Variants in GRM5 observed in about 807,000 individuals in gnomAD.
GRM5 encodes glutamate metabotropic receptor 5, also known as metabotropic glutamate receptor 5.
GRM5 carries 19 observed loss-of-function variants against 83.1 expected under a neutral mutation model. The ratio of observed to expected loss-of-function variants is 0.23; its 90% CI spans 0.16 to 0.34. The LOEUF is 0.34. GRM5 is among the 10% of genes least tolerant of loss of function. The probability of loss-of-function intolerance (pLI) is 1.00; values close to 1 mark genes in which losing one functional copy is unlikely to be tolerated. For missense variants in GRM5, 1,160 were observed against 1,588.3 expected, an observed-to-expected ratio of 0.73 and a Z score of 4.58; for synonymous variants, 675 against 633.6, an observed-to-expected ratio of 1.07 and a Z score of -0.98.
rs1565196115 is a variant in GRM5 at position 88,710,027 on chromosome 11, C to T, written c.912-56624G>A. On this transcript the variant is annotated intron_variant, in intron 3 of 9. Coordinates refer to ENST00000305447, the MANE Select transcript of GRM5 (RefSeq NM_001143831.3). ...GGAAAATGCTGGGTATTCGCATTCA[C>T]AACTTCAATTGTTTCAAATTAAACT... is the stretch of plus-strand genomic sequence containing the variant. Among the ~76,000 whole-genome samples, 2 of 152,094 alleles carry T rather than the reference C, an allele frequency of 1.3e-5. 1 individual carries two copies. Among genetic ancestry groups the T allele is most frequent in the African/African-American group, 4.8e-5 (2 of 41,450 alleles).
chr11:89,044,177 C>G (rs1941593028), intron 2 of GRM5, among the ~76,000 whole-genome samples: 1 of 152,164 alleles, frequency 6.6e-6, no homozygotes, highest in African/African-American at 2.4e-5. Flanking sequence ...AGTTCTTACT[C>G]CATTAAAAGA....
intron 2 of GRM5, among the ~76,000 whole-genome samples, chr11:88,871,847 C>T (rs914966154): frequency 2.0e-5 from 3 of 151,050 alleles, no homozygotes; most frequent in Non-Finnish European, 3.0e-5. Flanking sequence ...TCTTAAATAT[C>T]TTGTAATCCC....
At chr11:89,054,692 A>C (rs1166614726) in intron 1 of GRM5, among the ~76,000 whole-genome samples, 1 of 151,512 alleles carries the variant, frequency 6.6e-6, no homozygotes, top group Non-Finnish European at 1.5e-5. Context: ...CGATTTTTTG[A>C]ATAGAAACTT....
At chr11:88,810,494 G>A (rs1432242034) in intron 3 of GRM5, among the ~76,000 whole-genome samples, 1 of 152,034 alleles carries the variant, frequency 6.6e-6, no homozygotes, top group South Asian at 2.1e-4. Context: ...GCAAGGTATG[G>A]TGGGGCCCAG....
chr11:88,567,303 C>T lies in GRM5; in HGVS notation c.2380G>A (p.Gly794Ser). 6.2e-7 allele frequency: 1 copy of T among 1,613,926 alleles called. No homozygotes were observed. The highest frequency in any genetic ancestry group is 8.5e-7 in the Non-Finnish European group (1 of 1,179,864). ...IWLAFVPIYF[G>S]SNYKIITMCF... ...ATGGTGATGATTTTGTAGTTGCTGC[C>T]AAAGTAGATTGGCACAAAAGCTAGC... Residue 794 changes from glycine to serine, a missense_variant, in exon 8 of 10, where the codon GGC (glycine) becomes AGC (serine). Gly to Ser is a moderately conservative substitution (Grantham distance 56). This residue lies in a region of GRM5 where 66 missense variants were observed against 138.6 expected (regional missense o/e 0.48). Coordinates refer to ENST00000305447, the MANE Select transcript of GRM5 (RefSeq NM_001143831.3). This position sits in a 1 kb window ranked among gnomAD's most constrained non-coding sequence, Gnocchi z 7.3.
chr11:88,590,824 T>C (rs1313186644), intron 6 of GRM5, 97 bp from the exon 7 acceptor site: 1 of 725,182 alleles, frequency 1.4e-6, no homozygotes, highest in Non-Finnish European at 2.3e-6. Context: ...AGAAAGGCCT[T>C]TCACATACAT....
intron 3 of GRM5, among the ~76,000 whole-genome samples, chr11:88,752,197 G>C (rs1313982707): frequency 6.6e-6 from 1 of 152,130 alleles, no homozygotes; most frequent in Non-Finnish European, 1.5e-5. Flanking sequence ...CCTATATATA[G>C]ACAACCCCAT....
chr11:88,516,586 T>C (rs1941526224), intron 9 of GRM5, among the ~76,000 whole-genome samples: 1 of 152,208 alleles, frequency 6.6e-6, no homozygotes, highest in Non-Finnish European at 1.5e-5. Context: ...GCACCTCAGC[T>C]GAAGCTTGTG....
intron 3 of GRM5, among the ~76,000 whole-genome samples, chr11:88,670,923 T>C (rs1173423724): frequency 6.6e-6 from 1 of 151,964 alleles, no homozygotes; most frequent in East Asian, 1.9e-4. Context: ...AAGCATACAA[T>C]ATAACCCAGC....
At position 88,508,804 on chromosome 11, in the gene GRM5, T is replaced by A; in HGVS notation, c.3427A>T (p.Ser1143Cys). The A allele has an allele frequency of 6.7e-7, 1 of 1,483,356 alleles. No homozygotes were observed. The allele number at this position is 1,483,356 out of a possible 1,614,324, so 91.9% of individuals were successfully genotyped here. ...GCAGCCTCGGGACCGGCCGCGGGGC[T>A]CTCCCGGGCCGCGTCCCCAGCCGCC... ...AQAAGDAARE[S>C]PAAGPEAAAA... The change falls in exon 10 of 10, where the codon AGC (serine) becomes TGC (cysteine). Residue 1143 changes from serine to cysteine, a missense_variant. Coordinates refer to ENST00000305447, the MANE Select transcript of GRM5 (RefSeq NM_001143831.3). The surrounding 1 kb of genome is among the most constrained non-coding windows in gnomAD (Gnocchi z 4.2).
At chr11:88,892,174 T>C (rs986613912) in intron 2 of GRM5, among the ~76,000 whole-genome samples, 1 of 113,464 alleles carries the variant, frequency 8.8e-6, no homozygotes, top group African/African-American at 3.4e-5. Context: ...TTTTTTTTTT[T>C]CAATAAGACA....
chr11:88,645,753 G>T (rs1216488307), intron 4 of GRM5, among the ~76,000 whole-genome samples: 3 of 152,002 alleles, frequency 2.0e-5, no homozygotes, highest in Non-Finnish European at 4.4e-5. Flanking sequence ...TTTAAGGTGA[G>T]GGACAATAAA....
At chr11:88,672,754 A>G (rs1043937077) in intron 3 of GRM5, among the ~76,000 whole-genome samples, 4 of 152,046 alleles carry the variant, frequency 2.6e-5, no homozygotes, top group African/African-American at 9.6e-5. Flanking sequence ...TACAGCAATA[A>G]TGTTATAAAA....
chr11:88,571,005 C>T (rs1420852468), intron 7 of GRM5, among the ~76,000 whole-genome samples: 2 of 151,902 alleles, frequency 1.3e-5, no homozygotes, highest in African/African-American at 2.4e-5. Context: ...ATATAGGAAA[C>T]GTTATGTTTG....
chr11:88,563,007 C>T (rs974536109), intron 8 of GRM5, among the ~76,000 whole-genome samples: 1 of 152,116 alleles, frequency 6.6e-6, no homozygotes, highest in Non-Finnish European at 1.5e-5. Flanking sequence ...GAACCAACAC[C>T]CGAAGAAATC....
At chr11:88,844,117 A>G (rs1414432203) in intron 3 of GRM5, among the ~76,000 whole-genome samples, 1 of 152,160 alleles carries the variant, frequency 6.6e-6, no homozygotes, top group Non-Finnish European at 1.5e-5. Context: ...TAGAGAGGAG[A>G]AGTCAAGGCC....
chr11:88,743,841 C>G (rs1287010808), intron 3 of GRM5, among the ~76,000 whole-genome samples: 4 of 152,106 alleles, frequency 2.6e-5, no homozygotes, highest in African/African-American at 7.2e-5. Context: ...CTAATTAGCT[C>G]TAGATGATTG....
At chr11:88,937,347 G>C (rs1260798478) in intron 2 of GRM5, among the ~76,000 whole-genome samples, 2 of 151,634 alleles carry the variant, frequency 1.3e-5, no homozygotes, top group Non-Finnish European at 3.0e-5. Context: ...AGTAGATAAA[G>C]TAATACAGTA....
intron 1 of GRM5, among the ~76,000 whole-genome samples, chr11:89,061,259 G>A (rs1941986983): frequency 6.6e-6 from 1 of 152,072 alleles, no homozygotes; most frequent in Non-Finnish European, 1.5e-5. Flanking sequence ...CATCCCATGA[G>A]GATAGAAAAC....
Sources: allele counts gnomAD v4.1 joint callset (sites outside exome capture counted in the v4.1 genomes callset), GRCh38; gene constraint gnomAD v4.1.1; regional missense constraint gnomAD v4.1.1; non-coding constraint Gnocchi (gnomAD v3.1); transcripts MANE v1.5; gene names NCBI Gene and HGNC (gene_info 2026-07-23, HGNC 2026-07-21).